Variants in KCNB2 observed in about 807,000 individuals in gnomAD.
KCNB2 encodes delayed rectifier potassium channel protein.
A neutral mutation model predicts 61.5 loss-of-function variants in KCNB2; 15 were observed. That is an observed-to-expected ratio of 0.24 (90% CI 0.16 to 0.38). KCNB2 has a LOEUF of 0.38. Among genes scored for constraint, KCNB2 ranks in the 10% least tolerant of loss-of-function variants. KCNB2 has a pLI of 1.00. For synonymous variants in KCNB2, 457 were observed against 446.0 expected (o/e 1.02, Z -0.31); for missense variants, 828 against 1,125.2 (o/e 0.74, Z 3.78).
At chr8:72,553,661 G>A (rs186569196) in intron 1 of KCNB2, among the ~76,000 whole-genome samples, 47 of 152,044 alleles carry the variant, frequency 3.1e-4, no homozygotes, top group African/African-American at 8.4e-4. Flanking sequence ...CACATAGAAA[G>A]CTTAGAAGCT....
chr8:72,778,733 C>CAAAAAAAA (rs753797385), intron 2 of KCNB2, among the ~76,000 whole-genome samples: 253 of 14,182 alleles, frequency 0.018, 44 homozygotes, highest in Non-Finnish European at 0.02. Flanking sequence ...ACAGAGCGAG[C>CAAAAAAAA]AAAAAAAAAA....
chr8:72,832,771 G>A (rs1032371115), intron 2 of KCNB2, among the ~76,000 whole-genome samples: 7 of 152,250 alleles, frequency 4.6e-5, no homozygotes, highest in African/African-American at 1.4e-4. Flanking sequence ...GTATGTCCCC[G>A]TCCCACAGGG....
intron 1 of KCNB2, among the ~76,000 whole-genome samples, chr8:72,560,838 TA>T (rs562741656): frequency 8.2e-4 from 125 of 152,290 alleles, no homozygotes; most frequent in Admixed American, 4.3e-3. Context: ...CTATGTTTTA[TA>T]AAAGGCCATT....
chr8:72,895,573 T>C (rs937000864), intron 2 of KCNB2, among the ~76,000 whole-genome samples: 2 of 152,178 alleles, frequency 1.3e-5, no homozygotes, highest in Non-Finnish European at 2.9e-5. Flanking sequence ...TGTAAGTCAC[T>C]ACATTAGTGA....
rs144370215 is a variant in KCNB2, at chr8:72,680,208, A to G, written c.579+111895A>G. Among the ~76,000 whole-genome samples the G allele has an allele frequency of 5.7e-3, 870 of 152,252 alleles. 11 individuals are homozygous for G. In the Middle Eastern group the frequency reaches 0.082, roughly 14 times the overall value. On this transcript the variant is annotated intron_variant, in intron 2 of 2. Coordinates refer to ENST00000523207, the MANE Select transcript of KCNB2 (RefSeq NM_004770.3). Reference sequence around the variant, plus strand: ...CTACAGGGAATGAACCATTTGAGGTACCCTAAAGGAAGAGCTTACAAGGAA... The same window carrying G: ...CTACAGGGAATGAACCATTTGAGGTGCCCTAAAGGAAGAGCTTACAAGGAA...
intron 2 of KCNB2, among the ~76,000 whole-genome samples, chr8:72,909,823 G>A (rs1442077157): frequency 2.6e-5 from 4 of 152,160 alleles, no homozygotes; most frequent in African/African-American, 7.2e-5. Context: ...CTACGGGATG[G>A]TGGGACCTTC....
intron 2 of KCNB2, among the ~76,000 whole-genome samples, chr8:72,637,673 C>T (rs201373980): frequency 3.3e-5 from 5 of 152,240 alleles, no homozygotes; most frequent in African/African-American, 1.2e-4. Context: ...CAGAACCCTG[C>T]GAGTCCCTCT....
intron 2 of KCNB2, among the ~76,000 whole-genome samples, chr8:72,723,076 C>T (rs1223895257): frequency 3.3e-5 from 5 of 152,138 alleles, no homozygotes; most frequent in Non-Finnish European, 7.4e-5. Context: ...TAACATTTGC[C>T]TGAGAGGACT....
intron 2 of KCNB2, among the ~76,000 whole-genome samples, chr8:72,676,845 C>T (rs1018579371): frequency 2.0e-5 from 3 of 152,100 alleles, no homozygotes; most frequent in African/African-American, 4.8e-5. Flanking sequence ...GCATCTGAAT[C>T]CATACACATT....
chr8:72,671,074 A>G (rs1177980077), intron 2 of KCNB2, among the ~76,000 whole-genome samples: 3 of 152,208 alleles, frequency 2.0e-5, no homozygotes, highest in Non-Finnish European at 2.9e-5. Context: ...AACCTTACAG[A>G]GTATTCTTAT....
chr8:72,622,830 T>A (rs1034607689), intron 2 of KCNB2, among the ~76,000 whole-genome samples: 10 of 152,182 alleles, frequency 6.6e-5, no homozygotes, highest in Admixed American at 6.5e-4. Flanking sequence ...GCTCCATGCA[T>A]CTTAGTTACC....
Position 72,828,862 on chromosome 8 carries a change from T to C in KCNB2, c.580-107073T>C, listed in dbSNP as rs182532246. Reference sequence around the variant, plus strand: ...GCACTCAAAGAAAGCTTAACATTTTTGACAGTTTGCAAATACCGCCTTGTA... The same window carrying C: ...GCACTCAAAGAAAGCTTAACATTTTCGACAGTTTGCAAATACCGCCTTGTA... On this transcript the variant is annotated intron_variant, in intron 2 of 2. Transcript: ENST00000523207. Among the ~76,000 whole-genome samples the C allele has an allele frequency of 1.5e-3, 228 of 152,334 alleles. 1 individual carries two copies. Among genetic ancestry groups the C allele is most frequent in the African/African-American group, 5.1e-3 (210 of 41,576 alleles).
intron 2 of KCNB2, among the ~76,000 whole-genome samples, chr8:72,685,243 T>A (rs1389230968): frequency 6.6e-6 from 1 of 152,186 alleles, no homozygotes; most frequent in Non-Finnish European, 1.5e-5. Flanking sequence ...TGGGGAAACA[T>A]CACTCTTAAA....
rs869160203 is a variant in KCNB2 at position 72,597,001 on chromosome 8, C to CTTTTTTTTTTTTT, written c.579+28717_579+28729dup. On this transcript the variant is annotated intron_variant, in intron 2 of 2. Transcript: ENST00000523207. The stretch of plus-strand genomic sequence containing the variant: ...GCATGCTTGCTTGCTTGCTTGCTTG[C>CTTTTTTTTTTTTT]TTTTTTTTTTTTTTTTTTTTTTTTT... Among the ~76,000 whole-genome samples the CTTTTTTTTTTTTT allele has an allele frequency of 3.9e-4, 25 of 64,654 alleles. 2 individuals are homozygous for CTTTTTTTTTTTTT. Among genetic ancestry groups the CTTTTTTTTTTTTT allele is most frequent in the Non-Finnish European group, 6.0e-4 (23 of 38,530 alleles). 42.4% of individuals were successfully genotyped at this position (64,654 alleles called of 152,430 possible). A position where few individuals can be genotyped will look rare whatever the true frequency, so the allele number is the denominator to read the frequency against.
chr8:72,756,607 C>T (rs1425997935), intron 2 of KCNB2, among the ~76,000 whole-genome samples: 1 of 152,136 alleles, frequency 6.6e-6, no homozygotes, highest in Non-Finnish European at 1.5e-5. Flanking sequence ...CAATGTTTGG[C>T]CAAGCTTAAA....
At chr8:72,677,491 AT>A (rs1806678065) in intron 2 of KCNB2, among the ~76,000 whole-genome samples, 1 of 152,176 alleles carries the variant, frequency 6.6e-6, no homozygotes, top group Non-Finnish European at 1.5e-5. Flanking sequence ...AGATAGCAAA[AT>A]TATTGAAGAA....
At chr8:72,874,020 G>A (rs1805661604) in intron 2 of KCNB2, among the ~76,000 whole-genome samples, 1 of 152,214 alleles carries the variant, frequency 6.6e-6, no homozygotes, top group African/African-American at 2.4e-5. Flanking sequence ...TGAAATATAA[G>A]CAGTATTTTC....
intron 1 of KCNB2, among the ~76,000 whole-genome samples, chr8:72,561,717 A>ATG (rs1806520389): frequency 4.2e-5 from 1 of 24,002 alleles, no homozygotes; most frequent in Non-Finnish European, 6.1e-5. Context: ...ATATATATAT[A>ATG]TATATATATA....
At chr8:72,915,755 T>TA (rs1159242762) in intron 2 of KCNB2, among the ~76,000 whole-genome samples, 5 of 151,908 alleles carry the variant, frequency 3.3e-5, no homozygotes, top group East Asian at 1.9e-4. Context: ...CCGTCTCTCT[T>TA]AAAAATACAA....
Sources: gnomAD v4.1 joint callset for allele counts (sites outside exome capture counted in the v4.1 genomes callset) on GRCh38, gnomAD v4.1.1 for gene constraint, MANE v1.5 for transcripts, NCBI Gene and HGNC (gene_info 2026-07-23, HGNC 2026-07-21) for gene names.